DNAAF5: variants seen among roughly 807,000 people sequenced by gnomAD.
The protein encoded by DNAAF5 is dynein axonemal assembly factor 5.
DNAAF5 carries 64 observed loss-of-function variants against 75.8 expected under a neutral mutation model. That is an observed-to-expected ratio of 0.84 (90% confidence interval 0.69 to 1.04). DNAAF5 has a LOEUF of 1.04. DNAAF5 is among the 50% of genes least tolerant of loss of function. The probability of loss-of-function intolerance (pLI) is 0.00; values close to 1 mark genes in which losing one functional copy is unlikely to be tolerated. For synonymous variants in DNAAF5, 657 were observed against 557.2 expected (o/e 1.18, Z -2.52); for missense variants, 1,269 against 1,178.5 (o/e 1.08, Z -1.12).
chr7:759,357 A>G (rs1782576920), intron 6 of DNAAF5, among the ~76,000 whole-genome samples: 2 of 152,178 alleles, frequency 1.3e-5, no homozygotes, highest in African/African-American at 4.8e-5. Flanking sequence ...TAGGTCCCCT[A>G]GAGCTCGACA....
chr7:785,861 G>A lies in DNAAF5; in HGVS notation c.*208G>A. 1 of 549,588 alleles carries A rather than the reference G, an allele frequency of 1.8e-6. No homozygotes were observed. 34.0% of individuals were successfully genotyped at this position (549,588 alleles called of 1,614,324 possible). A position where few individuals can be genotyped will look rare whatever the true frequency, so the allele number is the denominator to read the frequency against. On this transcript the variant is annotated 3_prime_UTR_variant, in exon 13 of 13. Transcript: ENST00000297440. ...ATGTGATTTGTTCTGTTCATCGAGA[G>A]GGCTCCCAAACATCTGCAGCTGATT...
intron 2 of DNAAF5, among the ~76,000 whole-genome samples, chr7:735,655 T>G (rs1376508995): frequency 6.6e-6 from 1 of 152,254 alleles, no homozygotes; most frequent in South Asian, 2.1e-4. Context: ...TCCTCTTCGA[T>G]CTCTGATTTT....
chr7:755,685 T>C (rs568935571), intron 5 of DNAAF5, among the ~76,000 whole-genome samples: 12 of 152,172 alleles, frequency 7.9e-5, no homozygotes, highest in African/African-American at 1.4e-4. Flanking sequence ...GAGCTATGAT[T>C]GCGCCACTAC....
At chr7:731,119 C>A (rs1326409380) in intron 2 of DNAAF5, among the ~76,000 whole-genome samples, 1 of 152,174 alleles carries the variant, frequency 6.6e-6, no homozygotes, top group African/African-American at 2.4e-5. Flanking sequence ...CTTCCTTAAG[C>A]CTGAGGCAGA....
chr7:753,767 C>T (rs905119536), intron 4 of DNAAF5, among the ~76,000 whole-genome samples: 4 of 144,490 alleles, frequency 2.8e-5, no homozygotes, highest in Non-Finnish European at 4.5e-5. Flanking sequence ...GCGACGGCTT[C>T]GCAGGCGTGT....
intron 12 of DNAAF5, among the ~76,000 whole-genome samples, chr7:782,864 C>T (rs4719313): frequency 0.14 from 20,691 of 151,196 alleles, 1,655 homozygotes; most frequent in East Asian, 0.28. Flanking sequence ...ACCTTCCTGG[C>T]GTGGCCGCGT....
At chr7:761,340 A>G (rs7789321) in intron 6 of DNAAF5, among the ~76,000 whole-genome samples, 128,035 of 152,260 alleles carry the variant, frequency 0.84, 53,958 homozygotes, top group Middle Eastern at 0.91. Flanking sequence ...GTCGGCCCTG[A>G]CACTGGGGCC....
At chr7:761,708 G>C (rs534408893) in intron 6 of DNAAF5, 45 bp from the exon 7 acceptor site, 3 of 1,555,122 alleles carry the variant, frequency 1.9e-6, no homozygotes, top group South Asian at 1.2e-5. Flanking sequence ...GTGGGGACAC[G>C]ACCAAATTGT....
intron 6 of DNAAF5, among the ~76,000 whole-genome samples, chr7:759,683 T>C (rs1397251069): frequency 1.3e-5 from 2 of 152,192 alleles, no homozygotes; most frequent in Non-Finnish European, 2.9e-5. Flanking sequence ...TGGTCAAATA[T>C]AGAGAAATCT....
chr7:758,017 C>T (rs866043674), intron 6 of DNAAF5, among the ~76,000 whole-genome samples: 1 of 152,340 alleles, frequency 6.6e-6, no homozygotes, highest in Middle Eastern at 3.4e-3. Flanking sequence ...TAAGCAGTTC[C>T]TGGAATACAT....
At chr7:744,828 C>T (rs1485190945) in intron 4 of DNAAF5, among the ~76,000 whole-genome samples, 1 of 152,140 alleles carries the variant, frequency 6.6e-6, no homozygotes, top group Non-Finnish European at 1.5e-5. Flanking sequence ...GTCTCGAACT[C>T]CAGACCTCAG....
chr7:732,302 C>A (rs1781611773), intron 2 of DNAAF5, among the ~76,000 whole-genome samples: 1 of 152,248 alleles, frequency 6.6e-6, no homozygotes, highest in Non-Finnish European at 1.5e-5. Flanking sequence ...ACACCCAGAA[C>A]CCCGGCGAGG....
chr7:753,870 G>C (rs928345043), intron 4 of DNAAF5, among the ~76,000 whole-genome samples: 10 of 143,140 alleles, frequency 7.0e-5, no homozygotes, highest in African/African-American at 2.4e-4. Flanking sequence ...ATATGGCGAC[G>C]GCTTCGCAGG....
At chr7:734,465 G>T (rs748714952) in intron 2 of DNAAF5, among the ~76,000 whole-genome samples, 1 of 152,180 alleles carries the variant, frequency 6.6e-6, no homozygotes, top group South Asian at 2.1e-4. Context: ...CATGACAAAT[G>T]ATCTTTCTCA....
At chr7:759,694 A>G (rs985388182) in intron 6 of DNAAF5, among the ~76,000 whole-genome samples, 3 of 152,170 alleles carry the variant, frequency 2.0e-5, no homozygotes, top group Admixed American at 6.5e-5. Context: ...AGAGAAATCT[A>G]TAAATGTGAA....
chr7:779,755 G>A, intron 11 of DNAAF5, 198 bp from the exon 12 acceptor site: 2 of 570,582 alleles, frequency 3.5e-6, no homozygotes, highest in Non-Finnish European at 6.2e-6. Flanking sequence ...CCACTCTGTT[G>A]GCTGGGGTTC....
At chr7:770,705 AG>A in intron 9 of DNAAF5, 87 bp downstream of exon 9, 1 of 1,307,518 alleles carries the variant, frequency 7.6e-7, no homozygotes, top group Non-Finnish European at 1.1e-6. Context: ...TCACTGAGCA[AG>A]GGGGTTCCCA....
chr7:780,921 CA>C (rs1165620219), intron 12 of DNAAF5, among the ~76,000 whole-genome samples: 2 of 124,378 alleles, frequency 1.6e-5, no homozygotes, highest in African/African-American at 6.3e-5. Flanking sequence ...TGTGGGTACA[CA>C]TAGGTGTATA....
intron 10 of DNAAF5, 45 bp from the exon 11 acceptor site, chr7:774,961 C>T (rs1339889720): frequency 1.2e-6 from 2 of 1,604,272 alleles, no homozygotes; most frequent in East Asian, 4.5e-5. Context: ...CCCACCCCAC[C>T]CCAGGACAGA....
Sources: gnomAD v4.1 joint callset for allele counts (sites outside exome capture counted in the v4.1 genomes callset) on GRCh38, gnomAD v4.1.1 for gene constraint, MANE v1.5 for transcripts, NCBI Gene and HGNC (gene_info 2026-07-23, HGNC 2026-07-21) for gene names.